Variants in ACSL3 observed in about 807,000 individuals in gnomAD.
The protein encoded by ACSL3 is fatty acid CoA ligase Acsl3.
ACSL3 carries 34 observed loss-of-function variants against 84.7 expected under a neutral mutation model. The ratio of observed to expected loss-of-function variants is 0.40; its 90% confidence interval spans 0.31 to 0.53. The LOEUF is 0.53. Among genes scored for constraint, ACSL3 ranks in the 20% least tolerant of loss-of-function variants. The pLI, the probability that ACSL3 is intolerant of heterozygous loss-of-function variation, is 0.48. For synonymous variants in ACSL3, 315 were observed against 299.4 expected (o/e 1.05, Z -0.54); for missense variants, 680 against 873.1 (o/e 0.78, Z 2.79).
At chr2:222,901,047 C>A (rs1259190468) in intron 3 of ACSL3, among the ~76,000 whole-genome samples, 1 of 152,082 alleles carries the variant, frequency 6.6e-6, no homozygotes, top group Non-Finnish European at 1.5e-5. Flanking sequence ...AAGCTCCATC[C>A]CTACTCCCAC....
At chr2:222,918,951 C>T in intron 6 of ACSL3, 113 bp from the exon 7 acceptor site, 1 of 1,315,216 alleles carries the variant, frequency 7.6e-7, no homozygotes, top group Non-Finnish European at 1.0e-6. Context: ...TTTCTTCTTT[C>T]TTTTTTGAGG....
rs112497764 is a variant in ACSL3, at chr2:222,916,242, C to G, written c.379-77C>G. 3.1e-3 allele frequency: 3,026 copies of G among 982,106 alleles called. 71 individuals carry two copies. In the African/African-American group the frequency reaches 0.044, roughly 14 times the overall value. The allele number at this position is 982,106 out of a possible 1,614,324, so 60.8% of individuals were successfully genotyped here. A position where few individuals can be genotyped will look rare whatever the true frequency, so the allele number is the denominator to read the frequency against. ...AACGTAACTTTCTGGTTCATCATAA[C>G]ATTTGGACGATATTCTGGTTTCTTC... On this transcript the variant is annotated intron_variant, in intron 4 of 16. Coordinates refer to ENST00000357430, the MANE Select transcript of ACSL3 (RefSeq NM_004457.5).
At chr2:222,872,377 C>T (rs1009328374) in intron 1 of ACSL3, among the ~76,000 whole-genome samples, 11 of 152,130 alleles carry the variant, frequency 7.2e-5, no homozygotes, top group Admixed American at 3.3e-4. Context: ...CCTCCTGCCT[C>T]GGTCTTCCAA....
At chr2:222,914,709 A>G (rs755184472) in intron 4 of ACSL3, among the ~76,000 whole-genome samples, 2 of 152,232 alleles carry the variant, frequency 1.3e-5, no homozygotes, top group African/African-American at 2.4e-5. Context: ...GTGTTCAATG[A>G]TATTGGCAAG....
chr2:222,901,943 CAAAAAAAAAA>C (rs765995360), intron 3 of ACSL3, among the ~76,000 whole-genome samples: 1 of 12,390 alleles, frequency 8.1e-5, no homozygotes, highest in Non-Finnish European at 1.2e-4. Context: ...GACTCGGTCT[CAAAAAAAAAA>C]AAAAAAAAAA....
chr2:222,910,699 C>T (rs577104094), intron 4 of ACSL3, among the ~76,000 whole-genome samples: 48 of 152,294 alleles, frequency 3.2e-4, no homozygotes, highest in African/African-American at 1.1e-3. Context: ...AATTTCCTCA[C>T]GTTTAAATAG....
At chr2:222,912,293 TA>T (rs1186991913) in intron 4 of ACSL3, among the ~76,000 whole-genome samples, 3 of 152,244 alleles carry the variant, frequency 2.0e-5, no homozygotes, top group Non-Finnish European at 4.4e-5. Context: ...AGCTGCATGT[TA>T]AACATGCTAG....
At chr2:222,893,141 G>C (rs555263821) in intron 2 of ACSL3, among the ~76,000 whole-genome samples, 1 of 152,290 alleles carries the variant, frequency 6.6e-6, no homozygotes, top group East Asian at 1.9e-4. Flanking sequence ...GATTAACTGA[G>C]AAGTAAATTG....
chr2:222,919,304 C>G (rs1387105752), intron 7 of ACSL3, 102 bp downstream of exon 7: 1 of 1,398,520 alleles, frequency 7.2e-7, no homozygotes, highest in Non-Finnish European at 9.6e-7. Context: ...AATGACACAT[C>G]AGTTTTCTAA....
chr2:222,876,183 C>G (rs935526531), intron 1 of ACSL3, among the ~76,000 whole-genome samples: 1 of 152,164 alleles, frequency 6.6e-6, no homozygotes, highest in Non-Finnish European at 1.5e-5. Flanking sequence ...GGGGAAGGAG[C>G]AATAGTGTGT....
At chr2:222,930,343 G>C (rs963750506) in intron 13 of ACSL3, among the ~76,000 whole-genome samples, 2 of 151,676 alleles carry the variant, frequency 1.3e-5, no homozygotes, top group South Asian at 2.1e-4. Context: ...TTTGTCTCTT[G>C]TATTTATAAT....
chr2:222,879,444 T>A (rs1313943954), intron 1 of ACSL3, among the ~76,000 whole-genome samples: 1 of 152,246 alleles, frequency 6.6e-6, no homozygotes, highest in Non-Finnish European at 1.5e-5. Context: ...GATCTCAGGC[T>A]ACTTGTGATT....
intron 16 of ACSL3, among the ~76,000 whole-genome samples, chr2:222,940,420 C>T (rs1697271833): frequency 6.6e-6 from 1 of 151,674 alleles, no homozygotes; most frequent in Non-Finnish European, 1.5e-5. Flanking sequence ...TGGTATGTAT[C>T]CTTCTCCTCA....
chr2:222,923,724 C>A (rs910983998), intron 10 of ACSL3, among the ~76,000 whole-genome samples: 3 of 152,120 alleles, frequency 2.0e-5, no homozygotes, highest in Non-Finnish European at 4.4e-5. Flanking sequence ...GAATTATTGT[C>A]GGGTACCTAA....
At chr2:222,883,244 G>C (rs1165798995) in intron 1 of ACSL3, among the ~76,000 whole-genome samples, 1 of 150,762 alleles carries the variant, frequency 6.6e-6, no homozygotes, top group Non-Finnish European at 1.5e-5. Context: ...ATAGTGGCAG[G>C]ATCTTGGCTC....
At position 222,893,058 on chromosome 2, in the gene ACSL3, A is replaced by G. The variant is rs147007853; in HGVS notation, c.-148+5170A>G. 1.1e-3 allele frequency among the ~76,000 whole-genome samples: 170 copies of G among 152,308 alleles called. 1 individual carries two copies. The highest frequency in any genetic ancestry group is 3.8e-3 in the African/African-American group (158 of 41,574). On this transcript the variant is annotated intron_variant, in intron 2 of 16. Transcript: ENST00000357430. Reference sequence around the variant, plus strand: ...GTTATTTGCAGATATGAACAGTTGTATAGTATTGGTGCCTGAGTGTGGTAG... The same window carrying G: ...GTTATTTGCAGATATGAACAGTTGTGTAGTATTGGTGCCTGAGTGTGGTAG...
rs867593883 is a variant in ACSL3, at chr2:222,925,364, A to T, written c.1292+769A>T. ...TCTCAAAAAAAAAAAAAAAAAAAAAATCCATCTTGACATGGGAGGATTGCT... is the reference window on the plus strand; with the variant it reads ...TCTCAAAAAAAAAAAAAAAAAAAAATTCCATCTTGACATGGGAGGATTGCT... On this transcript the variant is annotated intron_variant, in intron 11 of 16. Coordinates refer to ENST00000357430, the MANE Select transcript of ACSL3 (RefSeq NM_004457.5). Among the ~76,000 whole-genome samples, 280 of 141,710 alleles carry T rather than the reference A, an allele frequency of 2.0e-3. 3 individuals carry two copies. The highest frequency in any genetic ancestry group is 0.014 in the Middle Eastern group (4 of 278). 93.0% of individuals were successfully genotyped at this position (141,710 alleles called of 152,430 possible). A position where few individuals can be genotyped will look rare whatever the true frequency, so the allele number is the denominator to read the frequency against.
intron 3 of ACSL3, among the ~76,000 whole-genome samples, chr2:222,907,914 G>A (rs1386157641): frequency 2.0e-5 from 3 of 152,004 alleles, no homozygotes; most frequent in East Asian, 1.9e-4. Flanking sequence ...CCTCTCCAAC[G>A]TTGCCCCAGT....
At chr2:222,921,905 A>G (rs561686252) in intron 8 of ACSL3, among the ~76,000 whole-genome samples, 5 of 152,298 alleles carry the variant, frequency 3.3e-5, no homozygotes, top group Non-Finnish European at 7.4e-5. Context: ...TGTCAAGGAA[A>G]CATTGCCAGA....
Sources: allele counts gnomAD v4.1 joint callset (sites outside exome capture counted in the v4.1 genomes callset), GRCh38; gene constraint gnomAD v4.1.1; transcripts MANE v1.5; gene names NCBI Gene and HGNC (gene_info 2026-07-23, HGNC 2026-07-21).